The following AASDHPPT variants were observed in gnomAD, a reference collection of about 807,000 sequenced individuals.
The protein encoded by AASDHPPT is L-aminoadipate-semialdehyde dehydrogenase-phosphopantetheinyl transferase.
Under a neutral mutation model 36.4 loss-of-function variants are expected in AASDHPPT, and 23 were observed. The observed-to-expected ratio is 0.63, with a 90% CI of 0.45 to 0.89. The LOEUF (loss-of-function observed/expected upper bound fraction) is 0.89, where lower values mean the gene tolerates loss of function less well. AASDHPPT is among the 40% of genes least tolerant of loss of function. AASDHPPT has a pLI of 0.00. For missense variants in AASDHPPT, 377 were observed against 378.2 expected, an observed-to-expected ratio of 1.00 and a Z score of 0.03; for synonymous variants, 115 against 128.0, an observed-to-expected ratio of 0.90 and a Z score of 0.68.
chr11:106,079,910 G>T (rs898896456), intron 2 of AASDHPPT, among the ~76,000 whole-genome samples: 6 of 152,130 alleles, frequency 3.9e-5, no homozygotes, highest in Non-Finnish European at 5.9e-5. Context: ...CGTTACTGGG[G>T]ATCCATAACT....
chr11:106,077,800 A>C lies in AASDHPPT; in HGVS notation c.90A>C (p.Arg30=). The stretch of plus-strand genomic sequence containing the variant: ...CCTGCGGCACTTGGCTGCCGAGCCG[A>C]GCCGAATGGCTGCTGGCAGTGCGAT... The part of the protein sequence containing the change: ...AFSCGTWLPS[R]AEWLLAVRSI... Residue 30 remains arginine (R), a synonymous_variant, in exon 1 of 6, where the codon CGA becomes CGC. Transcript: ENST00000278618. 6.2e-7 allele frequency: 1 copy of C among 1,614,144 alleles called. No homozygotes were observed. The highest frequency in any genetic ancestry group is 8.5e-7 in the Non-Finnish European group (1 of 1,179,994).
chr11:106,083,175 G>A (rs1861161732), intron 2 of AASDHPPT, among the ~76,000 whole-genome samples: 2 of 152,032 alleles, frequency 1.3e-5, no homozygotes, highest in South Asian at 4.1e-4. Flanking sequence ...CCCAGTTACA[G>A]GTCGGTCTTT....
chr11:106,077,980 G>T (rs761881518), intron 1 of AASDHPPT, 87 bp downstream of exon 1: 52 of 1,471,338 alleles, frequency 3.5e-5, no homozygotes, highest in Non-Finnish European at 4.5e-5. Context: ...ACACTCCCGC[G>T]CTGGCCGCGA....
Position 106,096,167 on chromosome 11 carries a change from A to G in AASDHPPT, c.766-576A>G, listed in dbSNP as rs184598215. On this transcript the variant is annotated intron_variant, in intron 5 of 5. Transcript: ENST00000278618. ...GGACCTTGACTTGTTAAAGCGCTAT[A>G]CAAAACCCAAGTACTATTTATACTA... Among the ~76,000 whole-genome samples, 7 of 152,338 alleles carry G rather than the reference A, an allele frequency of 4.6e-5. No individual in the cohort carries two copies. The East Asian group carries it at 1.3e-3, about 29-fold the overall frequency.
In AASDHPPT at chr11:106,090,591, G is replaced by GA. The variant is rs1413840709; in HGVS notation, c.448dup (p.Arg150LysfsTer15). ...CAATTCCAGAATTCTTTCATATTAT[G>GA]AAAAGAAAGTTTACCAACAAAGAAT... On this transcript the variant is annotated frameshift_variant, in exon 3 of 6. Transcript: ENST00000278618. LOFTEE classifies it high-confidence loss of function. 6.3e-7 allele frequency: 1 copy of GA among 1,597,388 alleles called. No homozygotes were observed. The highest frequency in any genetic ancestry group is 1.8e-5 in the Admixed American group (1 of 55,998).
intron 2 of AASDHPPT, among the ~76,000 whole-genome samples, chr11:106,083,690 A>G (rs1861167443): frequency 6.6e-6 from 1 of 152,198 alleles, no homozygotes; most frequent in Admixed American, 6.5e-5. Flanking sequence ...TGGATAAAAG[A>G]TTATTTATTA....
chr11:106,089,986 TGAA>T (rs1861238573), intron 2 of AASDHPPT, among the ~76,000 whole-genome samples: 1 of 151,954 alleles, frequency 6.6e-6, no homozygotes, highest in African/African-American at 2.4e-5. Context: ...GAAAACATTT[TGAA>T]GAAGGTATTA....
chr11:106,090,545 C>T lies in AASDHPPT; in HGVS notation c.410-12C>T. 2.6e-6 allele frequency: 4 copies of T among 1,556,660 alleles called. No individual in the cohort carries two copies. Among genetic ancestry groups the T allele is most frequent in the Non-Finnish European group, 3.5e-6 (4 of 1,158,366 alleles). On this transcript the variant is annotated splice_polypyrimidine_tract_variant and intron_variant, in intron 2 of 5. Coordinates refer to ENST00000278618, the MANE Select transcript of AASDHPPT (RefSeq NM_015423.3). Reference sequence around the variant, plus strand: ...AGAACTGCTATTTAATTTTTTATTTCTTAATTGGCAGGTCGTGGTTCAATT... The same window carrying T: ...AGAACTGCTATTTAATTTTTTATTTTTTAATTGGCAGGTCGTGGTTCAATT...
Position 106,079,612 on chromosome 11 carries a change from C to T in AASDHPPT, c.329C>T (p.Ser110Phe). The T allele has an allele frequency of 6.2e-7, 1 of 1,614,178 alleles. No individual in the cohort carries two copies. Among genetic ancestry groups the T allele is most frequent in the Non-Finnish European group, 8.5e-7 (1 of 1,180,016 alleles). ...TACCCGAATTTCAACTTTAACATCT[C>T]TCATCAAGGAGACTATGCAGTGCTT... ...NPYPNFNFNI[S>F]HQGDYAVLAA... Residue 110 changes from serine to phenylalanine, a missense_variant, in exon 2 of 6, where the codon TCT becomes TTT. Transcript: ENST00000278618.
chr11:106,090,352 A>C (rs1365685493), intron 2 of AASDHPPT, among the ~76,000 whole-genome samples: 2 of 151,978 alleles, frequency 1.3e-5, no homozygotes, highest in Admixed American at 1.3e-4. Flanking sequence ...TGGGCTAACC[A>C]CTGCTTGTCA....
intron 1 of AASDHPPT, 45 bp downstream of exon 1, chr11:106,077,938 T>C: frequency 6.3e-7 from 1 of 1,590,106 alleles, no homozygotes; most frequent in Non-Finnish European, 8.6e-7. Flanking sequence ...GAAGCAGATC[T>C]TGGGGGAGGC....
rs936408670 is a variant in AASDHPPT, at chr11:106,083,245, G to A, written c.409+3553G>A. On this transcript the variant is annotated intron_variant, in intron 2 of 5. Transcript: ENST00000278618. The stretch of plus-strand genomic sequence containing the variant: ...TATTTATTGAGCAATTCCTACAAGT[G>A]TGTGACACTATATTAGATGCCTAAT... Among the ~76,000 whole-genome samples the A allele has an allele frequency of 4.6e-5, 7 of 152,142 alleles. No homozygotes were observed. The South Asian group carries it at 1.0e-3, about 22-fold the overall frequency.
chr11:106,096,116 G>A (rs1462362014), intron 5 of AASDHPPT, among the ~76,000 whole-genome samples: 1 of 152,014 alleles, frequency 6.6e-6, no homozygotes, highest in East Asian at 1.9e-4. Context: ...TCACAACATA[G>A]CTATGAGACC....
At chr11:106,088,023 G>T (rs1861213717) in intron 2 of AASDHPPT, among the ~76,000 whole-genome samples, 1 of 152,130 alleles carries the variant, frequency 6.6e-6, no homozygotes, top group African/African-American at 2.4e-5. Flanking sequence ...CCACCATAAT[G>T]CCACAGTGTG....
At chr11:106,094,542 C>T in intron 4 of AASDHPPT, 41 bp from the exon 5 acceptor site, 1 of 1,419,748 alleles carries the variant, frequency 7.0e-7, no homozygotes, top group South Asian at 1.3e-5. Flanking sequence ...TCTAGGTTTA[C>T]ATATTTTATA....
At chr11:106,078,426 C>T (rs1442384207) in intron 1 of AASDHPPT, among the ~76,000 whole-genome samples, 5 of 152,124 alleles carry the variant, frequency 3.3e-5, no homozygotes, top group African/African-American at 1.2e-4. Flanking sequence ...ACCTTCCTCA[C>T]TAGATGCCAT....
intron 1 of AASDHPPT, among the ~76,000 whole-genome samples, chr11:106,078,899 A>C (rs1861098892): frequency 6.6e-6 from 1 of 152,208 alleles, no homozygotes; most frequent in South Asian, 2.1e-4. Context: ...CTAATTGTTG[A>C]AGCTGGGTGA....
chr11:106,085,347 C>T (rs1861187637), intron 2 of AASDHPPT, among the ~76,000 whole-genome samples: 2 of 152,200 alleles, frequency 1.3e-5, no homozygotes, highest in South Asian at 2.1e-4. Context: ...GTGATCTACC[C>T]GCCTCGGCCT....
rs901301559 is a variant in AASDHPPT, at chr11:106,097,412, A to G, written c.*505A>G. 6 of 153,460 alleles carry G rather than the reference A, an allele frequency of 3.9e-5. No individual in the cohort carries two copies. The highest frequency in any genetic ancestry group is 5.8e-5 in the Non-Finnish European group (4 of 69,058). 9.5% of individuals were successfully genotyped at this position (153,460 alleles called of 1,614,324 possible). On this transcript the variant is annotated 3_prime_UTR_variant, in exon 6 of 6. Coordinates refer to ENST00000278618, the MANE Select transcript of AASDHPPT (RefSeq NM_015423.3). ...TTGTGGTTCTAATGTACTCTGTTGT[A>G]TAGCTAATACAAGTTAGGATGCTTT...
Sources: gnomAD v4.1 joint callset for allele counts (sites outside exome capture counted in the v4.1 genomes callset) on GRCh38, gnomAD v4.1.1 for gene constraint, MANE v1.5 for transcripts, NCBI Gene and HGNC (gene_info 2026-07-23, HGNC 2026-07-21) for gene names.